KLHL22: variants seen among roughly 807,000 people sequenced by gnomAD.
The protein encoded by KLHL22 is kelch-like protein 22.
A neutral mutation model predicts 60.7 loss-of-function variants in KLHL22; 18 were observed. That is an observed-to-expected ratio of 0.30 (90% CI 0.20 to 0.44). The LOEUF is 0.44. Among genes scored for constraint, KLHL22 ranks in the 20% least tolerant of loss-of-function variants. KLHL22 has a pLI of 1.00. For missense variants in KLHL22, 596 were observed against 852.3 expected, an observed-to-expected ratio of 0.70 and a Z score of 3.74; for synonymous variants, 355 against 354.5, an observed-to-expected ratio of 1.00 and a Z score of -0.01.
In KLHL22 at chr22:20,449,262, G is replaced by A. The variant is rs879923942; in HGVS notation, c.1306-2586C>T. On this transcript the variant is annotated intron_variant, in intron 5 of 6. Transcript: ENST00000328879. ...TTTTTAGTAGAGATGGGGTTTCACC[G>A]TGTTAGCCAGGATGGTCTCAATCTC... Among the ~76,000 whole-genome samples the A allele has an allele frequency of 1.2e-4, 18 of 151,728 alleles. No individual in the cohort carries two copies. The South Asian group carries it at 1.3e-3, about 11-fold the overall frequency.
At chr22:20,453,361 G>A (rs2053010047) in intron 5 of KLHL22, among the ~76,000 whole-genome samples, 1 of 150,504 alleles carries the variant, frequency 6.6e-6, no homozygotes, top group African/African-American at 2.4e-5. Context: ...CCATTTTTTT[G>A]CCGACGCATG....
At chr22:20,480,415 C>T (rs778984439) in intron 2 of KLHL22, among the ~76,000 whole-genome samples, 21 of 152,248 alleles carry the variant, frequency 1.4e-4, no homozygotes, top group Non-Finnish European at 2.2e-4. Context: ...TAGAGGACAT[C>T]GACAGCACGG....
intron 1 of KLHL22, among the ~76,000 whole-genome samples, chr22:20,494,623 A>C (rs1229638890): frequency 6.6e-6 from 1 of 151,934 alleles, no homozygotes; most frequent in Admixed American, 6.6e-5. Flanking sequence ...GTGATCTGCC[A>C]GCCTTGGCCT....
intron 2 of KLHL22, among the ~76,000 whole-genome samples, chr22:20,477,869 G>T (rs1022143106): frequency 1.3e-5 from 2 of 152,120 alleles, no homozygotes. Flanking sequence ...AAAAGCACTC[G>T]CCATGGAACA....
At chr22:20,446,056 C>T (rs774093377) in intron 6 of KLHL22, among the ~76,000 whole-genome samples, 3 of 152,202 alleles carry the variant, frequency 2.0e-5, no homozygotes, top group Non-Finnish European at 4.4e-5. Context: ...CCACCACATC[C>T]GGCCTAAAAG....
intron 2 of KLHL22, among the ~76,000 whole-genome samples, chr22:20,480,661 T>C (rs1055868388): frequency 6.6e-6 from 1 of 152,102 alleles, no homozygotes; most frequent in Non-Finnish European, 1.5e-5. Context: ...ACATGCCACA[T>C]AGGATCTTAT....
chr22:20,446,514 T>C lies in KLHL22; in HGVS notation c.1468A>G (p.Thr490Ala). 6.2e-7 allele frequency: 1 copy of C among 1,613,308 alleles called. No individual in the cohort carries two copies. Among genetic ancestry groups the C allele is most frequent in the African/African-American group, 1.3e-5 (1 of 75,000 alleles). The change falls in exon 6 of 7, where the codon ACC (threonine) becomes GCC (alanine). Residue 490 changes from threonine (T) to alanine (A), a missense_variant. Thr to Ala is a moderately conservative substitution (Grantham distance 58). Transcript: ENST00000328879. ...ATCACATACAGCTTGTTGAGGAGGG[T>C]TGCCATGCCGTGCCAGGCGCGCCGC... Reference protein sequence around the residue: ...PVRRAWHGMATLLNKLYVIGG... With the variant: ...PVRRAWHGMAALLNKLYVIGG...
intron 5 of KLHL22, among the ~76,000 whole-genome samples, chr22:20,455,307 G>A (rs1601334210): frequency 6.6e-6 from 1 of 152,182 alleles, no homozygotes; most frequent in Admixed American, 6.5e-5. Flanking sequence ...GCCAGCACAG[G>A]CTACTGCTGT....
chr22:20,468,820 C>T (rs1181558679), intron 3 of KLHL22, among the ~76,000 whole-genome samples: 2 of 152,058 alleles, frequency 1.3e-5, no homozygotes, highest in African/African-American at 2.4e-5. Context: ...CCACCATGCC[C>T]GGCTATTTTT....
In KLHL22 at chr22:20,441,535, T is replaced by G. The variant is rs1279678764; in HGVS notation, c.*538A>C. The G allele has an allele frequency of 6.0e-6, 1 of 167,024 alleles. No homozygotes were observed. Among genetic ancestry groups the G allele is most frequent in the Admixed American group, 6.5e-5 (1 of 15,304 alleles). 10.3% of individuals were successfully genotyped at this position (167,024 alleles called of 1,614,324 possible). On this transcript the variant is annotated 3_prime_UTR_variant, in exon 7 of 7. Coordinates refer to ENST00000328879, the MANE Select transcript of KLHL22 (RefSeq NM_032775.4). The stretch of plus-strand genomic sequence containing the variant: ...CTACAGAAAAACAGTTAACACCTTC[T>G]GTAAGATGCTTTATTTCATTGACCA...
At chr22:20,486,028 C>A (rs1198708557) in intron 2 of KLHL22, among the ~76,000 whole-genome samples, 1 of 143,820 alleles carries the variant, frequency 7.0e-6, no homozygotes, top group Non-Finnish European at 1.5e-5. Flanking sequence ...ATTAGCCGGG[C>A]GTGGTGGCGC....
chr22:20,471,521 A>C lies in KLHL22; in HGVS notation c.228-6T>G. 1 of 1,612,728 alleles carries C rather than the reference A, an allele frequency of 6.2e-7. No homozygotes were observed. The highest frequency in any genetic ancestry group is 1.1e-5 in the South Asian group (1 of 90,932). On this transcript the variant is annotated splice_polypyrimidine_tract_variant and splice_region_variant and intron_variant, in intron 2 of 6. Coordinates refer to ENST00000328879, the MANE Select transcript of KLHL22 (RefSeq NM_032775.4). ...ATCCCCCAGCAAACATTCCTCTGCA[A>C]AGTGAAGACACAAGAAAATGGAGTT... is the stretch of plus-strand genomic sequence containing the variant.
intron 5 of KLHL22, chr22:20,451,289 G>A: frequency 6.2e-7 from 1 of 1,607,176 alleles, no homozygotes. Flanking sequence ...GATGGAAGCA[G>A]GCGTCACACC....
At chr22:20,473,870 T>A (rs1186276669) in intron 2 of KLHL22, among the ~76,000 whole-genome samples, 1 of 151,636 alleles carries the variant, frequency 6.6e-6, no homozygotes, top group Non-Finnish European at 1.5e-5. Context: ...AGTGAAACTC[T>A]GTCACACACA....
At chr22:20,480,520 G>A (rs1030374022) in intron 2 of KLHL22, among the ~76,000 whole-genome samples, 3 of 152,176 alleles carry the variant, frequency 2.0e-5, no homozygotes, top group African/African-American at 7.2e-5. Context: ...CCAGTATGCT[G>A]CCTCTGGTGT....
intron 2 of KLHL22, among the ~76,000 whole-genome samples, chr22:20,478,626 T>C (rs1420300643): frequency 6.9e-6 from 1 of 145,184 alleles, no homozygotes; most frequent in African/African-American, 2.5e-5. Flanking sequence ...GCCTTTCTCC[T>C]GTCTCAGCCT....
intron 2 of KLHL22, among the ~76,000 whole-genome samples, chr22:20,472,950 G>A (rs575545923): frequency 8.5e-5 from 13 of 152,282 alleles, no homozygotes; most frequent in African/African-American, 2.4e-5. Flanking sequence ...GCAAGGCAGA[G>A]CTTGGCATGC....
At chr22:20,485,984 T>C (rs1427021909) in intron 2 of KLHL22, among the ~76,000 whole-genome samples, 1 of 151,456 alleles carries the variant, frequency 6.6e-6, no homozygotes, top group Non-Finnish European at 1.5e-5. Context: ...CTGGCCAACA[T>C]GGTGAAACCC....
At chr22:20,449,070 T>G (rs545998836) in intron 5 of KLHL22, among the ~76,000 whole-genome samples, 203 of 149,054 alleles carry the variant, frequency 1.4e-3, no homozygotes, top group Non-Finnish European at 2.5e-3. Flanking sequence ...GTTTTGTTTG[T>G]TTTTTTTTGA....
Sources: gnomAD v4.1 joint callset for allele counts (sites outside exome capture counted in the v4.1 genomes callset) on GRCh38, gnomAD v4.1.1 for gene constraint, MANE v1.5 for transcripts, NCBI Gene and HGNC (gene_info 2026-07-23, HGNC 2026-07-21) for gene names.